The following EXOC4 variants were observed in gnomAD, a reference collection of about 807,000 sequenced individuals.
EXOC4 encodes the protein exocyst complex component 4.
In EXOC4, 71 loss-of-function variants were observed where a neutral mutation model predicts 107.2. The observed-to-expected ratio is 0.66, with a 90% CI of 0.55 to 0.81. The LOEUF (loss-of-function observed/expected upper bound fraction) is 0.81, where lower values mean the gene tolerates loss of function less well. EXOC4 is among the 30% of genes least tolerant of loss of function. The pLI is 0.00. For missense variants in EXOC4, 1,108 were observed against 1,189.6 expected (o/e 0.93, Z 1.01); for synonymous variants, 456 against 441.2 (o/e 1.03, Z -0.42).
intron 5 of EXOC4, among the ~76,000 whole-genome samples, chr7:133,338,417 C>T (rs1043667764): frequency 1.3e-5 from 2 of 149,040 alleles, no homozygotes; most frequent in African/African-American, 4.9e-5. Flanking sequence ...CAAGGTGAAA[C>T]CCCGTCTCTA....
At chr7:133,781,119 G>A (rs1796457028) in intron 10 of EXOC4, among the ~76,000 whole-genome samples, 1 of 152,122 alleles carries the variant, frequency 6.6e-6, no homozygotes, top group South Asian at 2.1e-4. Context: ...GCTGACTCTT[G>A]GATATTATGT....
chr7:133,493,394 A>AC (rs1307520521), intron 9 of EXOC4, among the ~76,000 whole-genome samples: 2 of 152,184 alleles, frequency 1.3e-5, no homozygotes, highest in Non-Finnish European at 2.9e-5. Flanking sequence ...CCAAGATTGC[A>AC]CCATTGCACT....
chr7:133,671,434 G>A (rs1409553229), intron 10 of EXOC4, among the ~76,000 whole-genome samples: 1 of 152,128 alleles, frequency 6.6e-6, no homozygotes, highest in Non-Finnish European at 1.5e-5. Flanking sequence ...GCGTGTGTTG[G>A]TGGGTGCCTG....
intron 5 of EXOC4, among the ~76,000 whole-genome samples, chr7:133,350,977 C>T (rs1179988307): frequency 6.6e-6 from 1 of 151,142 alleles, no homozygotes; most frequent in Non-Finnish European, 1.5e-5. Flanking sequence ...TTCGTTAATT[C>T]CTGATTATTC....
intron 9 of EXOC4, among the ~76,000 whole-genome samples, chr7:133,569,849 G>C (rs1800982866): frequency 6.6e-6 from 1 of 152,168 alleles, no homozygotes; most frequent in Admixed American, 6.5e-5. Flanking sequence ...TTCTGCTAGA[G>C]ATTCTGTATT....
chr7:133,707,446 C>CAA (rs1322408567), intron 10 of EXOC4, among the ~76,000 whole-genome samples: 2 of 150,500 alleles, frequency 1.3e-5, no homozygotes, highest in African/African-American at 4.9e-5. Flanking sequence ...TTTCCCTCCA[C>CAA]AAGAGTCTAC....
At chr7:133,381,705 G>T (rs1796622366) in intron 7 of EXOC4, among the ~76,000 whole-genome samples, 2 of 152,106 alleles carry the variant, frequency 1.3e-5, no homozygotes, top group Non-Finnish European at 2.9e-5. Context: ...TCTGAACCTG[G>T]TTACACATTT....
intron 6 of EXOC4, among the ~76,000 whole-genome samples, chr7:133,357,576 CAA>C (rs1222480207): frequency 1.3e-5 from 2 of 152,046 alleles, no homozygotes; most frequent in African/African-American, 4.8e-5. Context: ...GTGTGACAAA[CAA>C]GAAGAAATCA....
At chr7:133,968,900 G>C (rs1462099048) in intron 14 of EXOC4, among the ~76,000 whole-genome samples, 1 of 152,134 alleles carries the variant, frequency 6.6e-6, no homozygotes, top group African/African-American at 2.4e-5. Flanking sequence ...TTGCTAGGCT[G>C]GGGAAGTTCT....
At chr7:133,723,941 T>C (rs1216269260) in intron 10 of EXOC4, among the ~76,000 whole-genome samples, 1 of 152,140 alleles carries the variant, frequency 6.6e-6, no homozygotes, top group Non-Finnish European at 1.5e-5. Context: ...ATTATCTTGA[T>C]CTACTAAATA....
intron 10 of EXOC4, among the ~76,000 whole-genome samples, chr7:133,636,059 G>T (rs1802702357): frequency 1.3e-5 from 2 of 152,190 alleles, no homozygotes; most frequent in South Asian, 2.1e-4. Context: ...CACTAAAAGT[G>T]AAGTGTTGGG....
chr7:134,039,292 C>G (rs9987001), intron 17 of EXOC4, among the ~76,000 whole-genome samples: 29,456 of 151,878 alleles, frequency 0.19, 3,161 homozygotes, highest in East Asian at 0.42. Flanking sequence ...GCATAATAAA[C>G]CTTGGAGTGC....
chr7:133,764,425 C>G (rs1227675826), intron 10 of EXOC4, among the ~76,000 whole-genome samples: 1 of 152,026 alleles, frequency 6.6e-6, no homozygotes, highest in East Asian at 1.9e-4. Flanking sequence ...ATGATGGCGT[C>G]TCTGTTGAGG....
At chr7:133,475,935 A>AGT (rs1488980558) in intron 8 of EXOC4, among the ~76,000 whole-genome samples, 1 of 152,118 alleles carries the variant, frequency 6.6e-6, no homozygotes. Flanking sequence ...TTATCTAATT[A>AGT]TAACCTTAGT....
At chr7:133,850,437 GT>G (rs1182424308) in intron 11 of EXOC4, among the ~76,000 whole-genome samples, 5 of 151,680 alleles carry the variant, frequency 3.3e-5, no homozygotes, top group Non-Finnish European at 7.4e-5. Context: ...TTTGTTTTTT[GT>G]TTTTTCTTTT....
At chr7:133,577,054 T>G (rs1214056560) in intron 9 of EXOC4, among the ~76,000 whole-genome samples, 1 of 152,154 alleles carries the variant, frequency 6.6e-6, no homozygotes, top group Non-Finnish European at 1.5e-5. Flanking sequence ...GTACAGAAGC[T>G]TCAACATAGC....
rs538792279 is a variant in EXOC4, at chr7:133,345,633, A to G, written c.764-10697A>G. On this transcript the variant is annotated intron_variant, in intron 5 of 17. Coordinates refer to ENST00000253861, the MANE Select transcript of EXOC4 (RefSeq NM_021807.4). ...GATTCAACAGATGTCAATTTTGTTT[A>G]TTTATTTATTTTCCTAATAGAGGTT... Among the ~76,000 whole-genome samples the G allele has an allele frequency of 3.0e-4, 46 of 152,084 alleles. No individual in the cohort carries two copies. In the South Asian group the frequency reaches 9.1e-3, roughly 30 times the overall value.
intron 7 of EXOC4, among the ~76,000 whole-genome samples, chr7:133,408,775 C>T (rs575142966): frequency 5.4e-4 from 82 of 152,274 alleles, no homozygotes; most frequent in Non-Finnish European, 9.3e-4. Flanking sequence ...TTGCTTCTCA[C>T]GTTATTTCCA....
At chr7:133,485,514 C>T (rs1029243035) in intron 9 of EXOC4, among the ~76,000 whole-genome samples, 6 of 152,070 alleles carry the variant, frequency 3.9e-5, no homozygotes, top group African/African-American at 1.4e-4. Flanking sequence ...CTGCCCTTTT[C>T]TCATTGTTGT....
Sources: gnomAD v4.1 joint callset for allele counts (sites outside exome capture counted in the v4.1 genomes callset) on GRCh38, gnomAD v4.1.1 for gene constraint, MANE v1.5 for transcripts, NCBI Gene and HGNC (gene_info 2026-07-23, HGNC 2026-07-21) for gene names.